Variants in RNF20 observed in about 807,000 individuals in gnomAD.
RNF20 encodes the protein E3 ubiquitin-protein ligase BRE1A.
A neutral mutation model predicts 126.2 loss-of-function variants in RNF20; 84 were observed. The ratio of observed to expected loss-of-function variants is 0.67; its 90% CI spans 0.56 to 0.80. The LOEUF (loss-of-function observed/expected upper bound fraction) is 0.80, where lower values mean the gene tolerates loss of function less well. RNF20 is among the 30% of genes least tolerant of loss of function. RNF20 has a pLI of 0.00. For missense variants in RNF20, 869 were observed against 1,188.2 expected (o/e 0.73, Z 3.95); for synonymous variants, 400 against 414.3 (o/e 0.97, Z 0.42).
chr9:101,545,779 C>T (rs1027894475), intron 6 of RNF20, among the ~76,000 whole-genome samples: 15 of 152,174 alleles, frequency 9.9e-5, no homozygotes, highest in Admixed American at 9.2e-4. Context: ...TGACTAGGTG[C>T]TACCAAGATG....
At chr9:101,541,392 A>G (rs1827258696) in intron 5 of RNF20, among the ~76,000 whole-genome samples, 1 of 152,212 alleles carries the variant, frequency 6.6e-6, no homozygotes, top group South Asian at 2.1e-4. Flanking sequence ...AAATTTTTAG[A>G]AATTCTAACC....
At chr9:101,538,495 G>A (rs1370897866) in intron 2 of RNF20, among the ~76,000 whole-genome samples, 2 of 152,078 alleles carry the variant, frequency 1.3e-5, no homozygotes, top group South Asian at 4.2e-4. Flanking sequence ...TGGGGTAATG[G>A]CCTGGAAGTG....
rs1827638332 is a variant in RNF20 at position 101,562,180 on chromosome 9, TATATG to T, written c.2752-64_2752-60del. The T allele has an allele frequency of 2.0e-6, 3 of 1,529,320 alleles. No individual in the cohort carries two copies. In the Admixed American group the frequency reaches 5.4e-5, roughly 27 times the overall value. 94.7% of individuals were successfully genotyped at this position (1,529,320 alleles called of 1,614,324 possible). A position where few individuals can be genotyped will look rare whatever the true frequency, so the allele number is the denominator to read the frequency against. ...GTGGGTTTTCTTCTTGGTTGTGTAG[TATATG>T]AGAGCCATTTGGATCATAAACTTTC... is the stretch of plus-strand genomic sequence containing the variant. On this transcript the variant is annotated intron_variant, in intron 19 of 19. Transcript: ENST00000389120.
intron 2 of RNF20, among the ~76,000 whole-genome samples, chr9:101,535,905 T>A (rs1391131196): frequency 6.6e-6 from 1 of 152,204 alleles, no homozygotes; most frequent in African/African-American, 2.4e-5. Flanking sequence ...ATTGAGAGTA[T>A]GGTGAAGAGT....
chr9:101,542,060 T>G (rs973374227), intron 5 of RNF20, among the ~76,000 whole-genome samples: 1 of 152,244 alleles, frequency 6.6e-6, no homozygotes, highest in African/African-American at 2.4e-5. Flanking sequence ...GTTTAACCTT[T>G]CATTTCTGAA....
At chr9:101,547,742 C>T (rs747378503) in intron 9 of RNF20, among the ~76,000 whole-genome samples, 12 of 152,078 alleles carry the variant, frequency 7.9e-5, no homozygotes, top group East Asian at 1.9e-4. Context: ...TACCCAATGG[C>T]GAAAAGTTGA....
At chr9:101,544,342 C>T (rs944042191) in intron 5 of RNF20, among the ~76,000 whole-genome samples, 3 of 152,186 alleles carry the variant, frequency 2.0e-5, no homozygotes, top group African/African-American at 4.8e-5. Flanking sequence ...ATCGGCCTGC[C>T]TTGGCTTCCC....
chr9:101,535,151 C>T (rs927337508), intron 1 of RNF20, among the ~76,000 whole-genome samples: 3 of 151,994 alleles, frequency 2.0e-5, no homozygotes, highest in Non-Finnish European at 4.4e-5. Context: ...TCTTGATCCG[C>T]CCGCCTCGGC....
rs144551053 is a variant in RNF20 at position 101,551,742 on chromosome 9, C to T, written c.1331C>T (p.Thr444Ile). The change falls in exon 11 of 20, where the codon ACA becomes ATA. Residue 444 changes from threonine to isoleucine, a missense_variant. Coordinates refer to ENST00000389120, the MANE Select transcript of RNF20 (RefSeq NM_019592.7). ...ACTGAAGTAATTCAGCTAGAAGATACATTGGCCCAGGTCCGCAAGGAGTAT... is the reference window on the plus strand; with the variant it reads ...ACTGAAGTAATTCAGCTAGAAGATATATTGGCCCAGGTCCGCAAGGAGTAT... ...LRTEVIQLED[T>I]LAQVRKEYEM... The T allele has an allele frequency of 2.9e-4, 473 of 1,613,578 alleles. No individual in the cohort carries two copies. The highest frequency in any genetic ancestry group is 8.2e-4 in the Middle Eastern group (5 of 6,084).
intron 14 of RNF20, among the ~76,000 whole-genome samples, 173 bp downstream of exon 14, chr9:101,554,278 A>C (rs1827494026): frequency 1.3e-5 from 2 of 152,234 alleles, no homozygotes; most frequent in South Asian, 2.1e-4. Context: ...AACTCTCCAT[A>C]GGATGGTAAA....
chr9:101,553,772 G>A (rs1012863091), intron 13 of RNF20, among the ~76,000 whole-genome samples: 1 of 152,130 alleles, frequency 6.6e-6, no homozygotes, highest in Admixed American at 6.5e-5. Flanking sequence ...ACTTTGAAGG[G>A]AGAAATGATT....
Position 101,557,578 on chromosome 9 carries a change from G to A in RNF20, c.2364G>A (p.Val788=). ...KEEKEELADQ[V]LTLKTQVDAQ... is the part of the protein sequence containing the mutation. ...AGAAGGAGGAGCTGGCAGACCAGGTGTTGACTCTGAAGACTCAGGTAATTA... is the reference window on the plus strand; with the variant it reads ...AGAAGGAGGAGCTGGCAGACCAGGTATTGACTCTGAAGACTCAGGTAATTA... The change falls in exon 16 of 20, where the codon GTG becomes GTA. Residue 788 remains valine (V), a synonymous_variant. Coordinates refer to ENST00000389120, the MANE Select transcript of RNF20 (RefSeq NM_019592.7). 1 of 1,613,670 alleles carries A rather than the reference G, an allele frequency of 6.2e-7. No homozygotes were observed. Among genetic ancestry groups the A allele is most frequent in the Non-Finnish European group, 8.5e-7 (1 of 1,179,614 alleles).
At chr9:101,547,624 A>G in intron 9 of RNF20, 106 bp downstream of exon 9, 1 of 1,303,996 alleles carries the variant, frequency 7.7e-7, no homozygotes, top group Non-Finnish European at 1.1e-6. Flanking sequence ...AGAAAAATGT[A>G]GACAAAATCC....
chr9:101,549,603 T>G (rs552015947), intron 9 of RNF20, among the ~76,000 whole-genome samples: 3 of 152,140 alleles, frequency 2.0e-5, no homozygotes, highest in Non-Finnish European at 4.4e-5. Context: ...TTTCCTGGTC[T>G]GCTAAGTAGC....
At chr9:101,538,781 G>A (rs751113071) in intron 2 of RNF20, among the ~76,000 whole-genome samples, 1 of 152,192 alleles carries the variant, frequency 6.6e-6, no homozygotes, top group African/African-American at 2.4e-5. Flanking sequence ...AATTGGTGGT[G>A]TAATAAACAA....
chr9:101,538,436 A>G (rs1028275206), intron 2 of RNF20, among the ~76,000 whole-genome samples: 4 of 152,174 alleles, frequency 2.6e-5, no homozygotes, highest in Non-Finnish European at 5.9e-5. Flanking sequence ...GGCAGGTGGT[A>G]TAGGCTAATG....
chr9:101,549,090 G>A (rs936956867), intron 9 of RNF20, among the ~76,000 whole-genome samples: 13 of 152,198 alleles, frequency 8.5e-5, no homozygotes, highest in Non-Finnish European at 5.9e-5. Flanking sequence ...ACGAGAGAGT[G>A]TAGAAATAAA....
chr9:101,552,756 AAG>A lies in RNF20; in HGVS notation c.1901+5_1901+6del. On this transcript the variant is annotated splice_donor_5th_base_variant and intron_variant, in intron 13 of 19. Transcript: ENST00000389120. ...AAACAATTGAAGATTGAACTCAAGT[AAG>A]AACCACATTTAGAGTAACAGTTTCG... 1 of 1,601,042 alleles carries A rather than the reference AAG, an allele frequency of 6.2e-7. No individual in the cohort carries two copies. The highest frequency in any genetic ancestry group is 8.5e-7 in the Non-Finnish European group (1 of 1,173,902).
chr9:101,533,970 T>A (rs777335692), intron 1 of RNF20, 56 bp downstream of exon 1: 13 of 152,408 alleles, frequency 8.5e-5, no homozygotes, highest in Non-Finnish European at 1.6e-4. Flanking sequence ...AGAACTTAGG[T>A]TAGATCACGC....
Sources: allele counts gnomAD v4.1 joint callset (sites outside exome capture counted in the v4.1 genomes callset), GRCh38; gene constraint gnomAD v4.1.1; transcripts MANE v1.5; gene names NCBI Gene and HGNC (gene_info 2026-07-23, HGNC 2026-07-21).